The following BMP2K variants were observed in gnomAD, a reference collection of about 807,000 sequenced individuals.
The protein encoded by BMP2K is BMP-2-inducible protein kinase.
Under a neutral mutation model 116.0 loss-of-function variants are expected in BMP2K, and 74 were observed. The observed-to-expected ratio is 0.64, with a 90% confidence interval of 0.53 to 0.77. BMP2K has a LOEUF of 0.77. Ranked by LOEUF, BMP2K falls within the 30% of genes least tolerant of loss-of-function variation. The probability of loss-of-function intolerance (pLI) is 0.00; values close to 1 mark genes in which losing one functional copy is unlikely to be tolerated. For synonymous variants in BMP2K, 486 were observed against 502.5 expected (o/e 0.97, Z 0.44); for missense variants, 1,365 against 1,403.6 (o/e 0.97, Z 0.44).
chr4:78,899,387 T>C (rs1044281938), intron 15 of BMP2K, among the ~76,000 whole-genome samples: 2 of 152,026 alleles, frequency 1.3e-5, no homozygotes, highest in African/African-American at 4.8e-5. Flanking sequence ...TTCACATAGG[T>C]TGAGTTTGAG....
intron 3 of BMP2K, among the ~76,000 whole-genome samples, chr4:78,836,611 T>C (rs918167695): frequency 1.3e-5 from 2 of 152,206 alleles, no homozygotes; most frequent in South Asian, 4.1e-4. Context: ...CTGCTACTTA[T>C]GCCACACCTT....
rs118085891 is a variant in BMP2K, at chr4:78,878,730, A to G, written c.1794-4A>G. The stretch of plus-strand genomic sequence containing the variant: ...TCTTTTTTCTTACTCAATTATTACT[A>G]TAGGTCAGTTGCTGATAAAGAGGCC... On this transcript the variant is annotated splice_polypyrimidine_tract_variant and splice_region_variant and intron_variant, in intron 13 of 15. Coordinates refer to ENST00000502613, the MANE Select transcript of BMP2K (RefSeq NM_198892.2). 1.4e-4 allele frequency: 231 copies of G among 1,597,256 alleles called. 4 individuals are homozygous for G. In the East Asian group the frequency reaches 4.0e-3, roughly 28 times the overall value.
rs1433488620 is a variant in BMP2K, at chr4:78,842,488, G to A, written c.507G>A (p.Leu169=). The change falls in exon 4 of 16, where the codon TTG becomes TTA. Residue 169 remains leucine, a synonymous_variant. Transcript: ENST00000502613. ...ATACCTGTGAAGCTGTTGCAAGGTT[G>A]CATCAGTGTAAGACTCCAATAATTC... is the stretch of plus-strand genomic sequence containing the variant. The part of the protein sequence containing the change: ...FCDTCEAVAR[L]HQCKTPIIHR... The A allele has an allele frequency of 9.3e-6, 15 of 1,606,776 alleles. No homozygotes were observed. Among genetic ancestry groups the A allele is most frequent in the Non-Finnish European group, 1.3e-5 (15 of 1,174,850 alleles).
intron 7 of BMP2K, among the ~76,000 whole-genome samples, chr4:78,852,220 A>T (rs1054406552): frequency 2.0e-5 from 3 of 152,024 alleles, no homozygotes; most frequent in Admixed American, 6.6e-5. Flanking sequence ...ATGGAAAAAA[A>T]TACTACTGAT....
At chr4:78,827,151 T>C (rs910242855) in intron 2 of BMP2K, among the ~76,000 whole-genome samples, 6 of 152,238 alleles carry the variant, frequency 3.9e-5, no homozygotes, top group East Asian at 1.9e-4. Context: ...CTCTGCCCCA[T>C]TGTTGAACAT....
At chr4:78,816,953 A>G (rs1729381381) in intron 1 of BMP2K, among the ~76,000 whole-genome samples, 1 of 152,350 alleles carries the variant, frequency 6.6e-6, no homozygotes, top group Non-Finnish European at 1.5e-5. Flanking sequence ...CCTGAAAGGA[A>G]GTCTAATTGT....
intron 7 of BMP2K, among the ~76,000 whole-genome samples, chr4:78,853,284 A>G (rs919108611): frequency 3.9e-5 from 6 of 152,116 alleles, no homozygotes; most frequent in South Asian, 2.1e-4. Context: ...TACTTTTCTT[A>G]TTACTAATTT....
chr4:78,858,465 T>A (rs1731610992), intron 7 of BMP2K, among the ~76,000 whole-genome samples: 1 of 151,916 alleles, frequency 6.6e-6, no homozygotes, highest in East Asian at 1.9e-4. Flanking sequence ...ATATATAAAA[T>A]CAAGTTACAT....
chr4:78,910,876 A>G lies in BMP2K; in HGVS notation c.2329A>G (p.Thr777Ala). Residue 777 changes from threonine (T) to alanine (A), a missense_variant, in exon 16 of 16, where the codon ACT (threonine) becomes GCT (alanine). Physicochemically the swap from Thr to Ala is moderately conservative, Grantham distance 58. Coordinates refer to ENST00000502613, the MANE Select transcript of BMP2K (RefSeq NM_198892.2). ...GEQGDFNDDD[T>A]EPENLGHRPL... ...ACAAGGAGATTTTAATGATGATGAT[A>G]CTGAACCAGAAAATCTGGGTCATAG... The G allele has an allele frequency of 6.2e-7, 1 of 1,614,020 alleles. No individual in the cohort carries two copies. The highest frequency in any genetic ancestry group is 8.5e-7 in the Non-Finnish European group (1 of 1,179,888).
intron 14 of BMP2K, among the ~76,000 whole-genome samples, chr4:78,885,665 T>A (rs1733041549): frequency 6.6e-6 from 1 of 152,190 alleles, no homozygotes; most frequent in Non-Finnish European, 1.5e-5. Context: ...GGAATATAGG[T>A]CAGTCTAAAC....
rs1734862025 is a variant in BMP2K, at chr4:78,914,359, C to G, written c.*2326C>G. ...TCTTATAACACAGCACAGTGACTTT[C>G]TTCTTTCAAGATTGTAGCTCAGAGA... is the stretch of plus-strand genomic sequence containing the variant. On this transcript the variant is annotated 3_prime_UTR_variant, in exon 16 of 16. Coordinates refer to ENST00000502613, the MANE Select transcript of BMP2K (RefSeq NM_198892.2). 6.6e-6 allele frequency: 1 copy of G among 152,028 alleles called. No individual in the cohort carries two copies. The allele number at this position is 152,028 out of a possible 1,614,324, so 9.4% of individuals were successfully genotyped here.
At position 78,850,996 on chromosome 4, in the gene BMP2K, G is replaced by C; in HGVS notation, c.823G>C (p.Asp275His). The change falls in exon 7 of 16, where the codon GAT becomes CAT. Residue 275 changes from aspartate (D) to histidine (H), a missense_variant. Asp to His is a moderately conservative substitution (Grantham distance 81, BLOSUM62 -1). This residue lies in a region of BMP2K where 762 missense variants were observed against 756.7 expected (regional missense o/e 1.01). Transcript: ENST00000502613. ...PFGESQVAICDGNFTIPDNSR... is the reference protein window; with the variant it reads ...PFGESQVAICHGNFTIPDNSR... ...TGGTGAGAGTCAGGTTGCTATCTGT[G>C]ATGGCAACTTCACCATCCCAGACAA... The C allele has an allele frequency of 1.2e-6, 2 of 1,612,068 alleles. No individual in the cohort carries two copies. The highest frequency in any genetic ancestry group is 1.7e-6 in the Non-Finnish European group (2 of 1,178,826).
chr4:78,844,870 G>A (rs1429096832), intron 4 of BMP2K, 58 bp from the exon 5 acceptor site: 11 of 1,462,490 alleles, frequency 7.5e-6, no homozygotes, highest in Non-Finnish European at 1.0e-5. Flanking sequence ...TACAAAGATT[G>A]TAAAAAGTTA....
intron 1 of BMP2K, among the ~76,000 whole-genome samples, chr4:78,818,419 G>T (rs1272837904): frequency 6.6e-6 from 1 of 152,178 alleles, no homozygotes; most frequent in Admixed American, 6.5e-5. Context: ...ATCCTCTCCA[G>T]CATCTGTTGT....
Position 78,847,226 on chromosome 4 carries a change from A to G in BMP2K, c.707A>G (p.Asn236Ser), listed in dbSNP as rs769130294. The G allele has an allele frequency of 3.1e-6, 5 of 1,588,992 alleles. No homozygotes were observed. The highest frequency in any genetic ancestry group is 4.3e-6 in the Non-Finnish European group (5 of 1,166,416). The change falls in exon 6 of 16, where the codon AAC (asparagine) becomes AGC (serine). Residue 236 changes from asparagine (N) to serine (S), a missense_variant. By Grantham distance (46) the Asn-to-Ser change is conservative (BLOSUM62 1). Coordinates refer to ENST00000502613, the MANE Select transcript of BMP2K (RefSeq NM_198892.2). ...TCATACAGAGCCCCTGAAATGATCA[A>G]CCTTTATGGAGGGAAACCCATCACC... ...TLSYRAPEMI[N>S]LYGGKPITTK...
intron 1 of BMP2K, among the ~76,000 whole-genome samples, chr4:78,824,616 C>A (rs564395520): frequency 8.5e-5 from 13 of 152,190 alleles, no homozygotes; most frequent in Non-Finnish European, 1.8e-4. Context: ...ACAGCCAAAT[C>A]ATATCAGAAC....
At chr4:78,822,177 G>T (rs1288147913) in intron 1 of BMP2K, among the ~76,000 whole-genome samples, 4 of 151,162 alleles carry the variant, frequency 2.6e-5, no homozygotes, top group Non-Finnish European at 4.4e-5. Context: ...ATGGAGGATT[G>T]TCCATTATGA....
At chr4:78,816,054 G>A (rs547708834) in intron 1 of BMP2K, among the ~76,000 whole-genome samples, 1 of 152,216 alleles carries the variant, frequency 6.6e-6, no homozygotes, top group South Asian at 2.1e-4. Flanking sequence ...TAAAAAATGG[G>A]TCACATTGAC....
intron 7 of BMP2K, among the ~76,000 whole-genome samples, chr4:78,853,844 A>G (rs187043031): frequency 3.9e-5 from 6 of 152,310 alleles, no homozygotes; most frequent in Admixed American, 2.0e-4. Flanking sequence ...CTTTAATACT[A>G]TAGTCATTAT....
Sources: gnomAD v4.1 joint callset for allele counts (sites outside exome capture counted in the v4.1 genomes callset) on GRCh38, gnomAD v4.1.1 for gene constraint, gnomAD v4.1.1 regional missense constraint, MANE v1.5 for transcripts, NCBI Gene and HGNC (gene_info 2026-07-23, HGNC 2026-07-21) for gene names.